GLB1L3: variants seen among roughly 807,000 people sequenced by gnomAD.
GLB1L3 encodes the protein beta-galactosidase-1-like protein 3.
In GLB1L3, 89 loss-of-function variants were observed where a neutral mutation model predicts 89.5. The ratio of observed to expected loss-of-function variants is 0.99; its 90% CI spans 0.84 to 1.19. The LOEUF is 1.19. Among genes scored for constraint, GLB1L3 ranks in the 50% most tolerant of loss-of-function variants. GLB1L3 has a pLI of 0.00. For synonymous variants in GLB1L3, 314 were observed against 312.3 expected, an observed-to-expected ratio of 1.01 and a Z score of -0.06; for missense variants, 812 against 813.3, an observed-to-expected ratio of 1.00 and a Z score of 0.02.
intron 6 of GLB1L3, among the ~76,000 whole-genome samples, chr11:134,284,513 A>G (rs521637): frequency 0.19 from 28,456 of 152,014 alleles, 2,830 homozygotes; most frequent in Admixed American, 0.26. Flanking sequence ...GGGTCACCTG[A>G]GGTCAGGAGT....
At position 134,318,816 on chromosome 11, in the gene GLB1L3, T is replaced by C. The variant is rs1276250243; in HGVS notation, c.1897-61T>C. The C allele has an allele frequency of 9.6e-6, 15 of 1,556,928 alleles. No individual in the cohort carries two copies. The East Asian group carries it at 3.4e-4, about 35-fold the overall frequency. ...GATCAAAATGTGAGTTGCAGTGTCT[T>C]TTTCAACCTGTACTAAATAGGCTTC... On this transcript the variant is annotated intron_variant, in intron 19 of 19. Transcript: ENST00000431683.
downstream of GLB1L3, among the ~76,000 whole-genome samples, chr11:134,322,179 G>T (rs566450790): frequency 3.3e-5 from 5 of 152,124 alleles, no homozygotes; most frequent in Non-Finnish European, 7.4e-5. Flanking sequence ...TTAACATCAG[G>T]CAAGTAGACT....
chr11:134,289,691 T>G (rs927336354), intron 7 of GLB1L3, among the ~76,000 whole-genome samples: 1 of 152,216 alleles, frequency 6.6e-6, no homozygotes, highest in Non-Finnish European at 1.5e-5. Flanking sequence ...GATGGGACTC[T>G]CAGCTTGAAG....
Position 134,289,087 on chromosome 11 carries a change from T to G in GLB1L3, c.729+197T>G, listed in dbSNP as rs146504313. ...TATAACTTTTGACTCCCTCAAAATT[T>G]AGTCACTAATAGTCTACTGTTGACT... On this transcript the variant is annotated intron_variant, in intron 7 of 19. Coordinates refer to ENST00000431683, the MANE Select transcript of GLB1L3 (RefSeq NM_001080407.3). 1.0e-3 allele frequency: 512 copies of G among 497,910 alleles called. 2 individuals are homozygous for G. The highest frequency in any genetic ancestry group is 0.01 in the Middle Eastern group (19 of 1,870). The allele number at this position is 497,910 out of a possible 1,614,324, so 30.8% of individuals were successfully genotyped here.
intron 2 of GLB1L3, 114 bp downstream of exon 2, chr11:134,277,565 C>G: frequency 6.6e-7 from 1 of 1,521,306 alleles, no homozygotes; most frequent in Non-Finnish European, 9.1e-7. Context: ...GCACAGAACA[C>G]GTCCTACTAA....
chr11:134,313,300 A>C, intron 15 of GLB1L3, 96 bp from the exon 16 acceptor site: 1 of 867,770 alleles, frequency 1.2e-6, no homozygotes. Context: ...CTGTTCTCCC[A>C]TGTGTCTCTC....
intron 10 of GLB1L3, among the ~76,000 whole-genome samples, chr11:134,308,086 C>T (rs1191754266): frequency 1.3e-5 from 2 of 151,204 alleles, no homozygotes; most frequent in Non-Finnish European, 2.9e-5. Flanking sequence ...ACCATCACTA[C>T]CACCAACAAT....
intron 9 of GLB1L3, among the ~76,000 whole-genome samples, chr11:134,293,582 T>C (rs1217936268): frequency 6.6e-6 from 1 of 152,096 alleles, no homozygotes; most frequent in Non-Finnish European, 1.5e-5. Context: ...AGCTTACATA[T>C]TATCAGAAGG....
rs919268814 is a variant in GLB1L3 at position 134,283,910 on chromosome 11, T to C, written c.636+65T>C. On this transcript the variant is annotated intron_variant, in intron 6 of 19. Coordinates refer to ENST00000431683, the MANE Select transcript of GLB1L3 (RefSeq NM_001080407.3). ...TTTAGGGAAAGAGTTTGTTCTGGCT[T>C]GATCACTGAAGAGGCCACATGCAGT... 4 of 955,544 alleles carry C rather than the reference T, an allele frequency of 4.2e-6. No individual in the cohort carries two copies. In the African/African-American group the frequency reaches 6.5e-5, roughly 15 times the overall value. The allele number at this position is 955,544 out of a possible 1,614,324, so 59.2% of individuals were successfully genotyped here. A position where few individuals can be genotyped will look rare whatever the true frequency, so the allele number is the denominator to read the frequency against.
At chr11:134,292,733 G>A (rs1484833666) in intron 8 of GLB1L3, 4 of 312,870 alleles carry the variant, frequency 1.3e-5, no homozygotes, top group East Asian at 9.2e-5. Flanking sequence ...TGAGGGACAC[G>A]CCCGGGAGTG....
chr11:134,281,911 C>T (rs1940710703), intron 4 of GLB1L3, 114 bp from the exon 5 acceptor site: 4 of 840,300 alleles, frequency 4.8e-6, no homozygotes, highest in South Asian at 1.7e-5. Context: ...GGGGGTGGGG[C>T]CGAGCCGTCC....
intron 9 of GLB1L3, among the ~76,000 whole-genome samples, chr11:134,301,313 A>G (rs150913918): frequency 2.9e-3 from 447 of 152,274 alleles, no homozygotes; most frequent in African/African-American, 0.01. Context: ...TCCCACTGCT[A>G]TATCTCTGAG....
chr11:134,284,981 T>C (rs910868925), intron 6 of GLB1L3, among the ~76,000 whole-genome samples: 3 of 137,264 alleles, frequency 2.2e-5, no homozygotes, highest in Non-Finnish European at 4.6e-5. Flanking sequence ...CAGGCTGGAG[T>C]GCAGTGGCTT....
intron 3 of GLB1L3, among the ~76,000 whole-genome samples, chr11:134,280,833 A>G (rs1480653460): frequency 6.6e-6 from 1 of 152,224 alleles, no homozygotes; most frequent in African/African-American, 2.4e-5. Context: ...ACATGTTGCC[A>G]GTGGCACAAA....
At position 134,292,824 on chromosome 11, in the gene GLB1L3, A is replaced by C. The variant is rs1941429710; in HGVS notation, c.812-321A>C. 3 of 460,012 alleles carry C rather than the reference A, an allele frequency of 6.5e-6. No individual in the cohort carries two copies. In the East Asian group the frequency reaches 1.4e-4, roughly 21 times the overall value. The allele number at this position is 460,012 out of a possible 1,614,324, so 28.5% of individuals were successfully genotyped here. A position where few individuals can be genotyped will look rare whatever the true frequency, so the allele number is the denominator to read the frequency against. ...TGGCTCTTCCAAGGAAGCCTGGCAC[A>C]CTGGAACACGTGCTGAGCTTGGGGC... On this transcript the variant is annotated intron_variant, in intron 8 of 19. Transcript: ENST00000431683.
intron 8 of GLB1L3, chr11:134,292,724 G>A: frequency 3.4e-6 from 1 of 295,828 alleles, no homozygotes; most frequent in Non-Finnish European, 6.4e-6. Flanking sequence ...TGGCAATAGT[G>A]AGGGACACGC....
At position 134,313,382 on chromosome 11, in the gene GLB1L3, G is replaced by A; in HGVS notation, c.1501-14G>A. 6.4e-7 allele frequency: 1 copy of A among 1,567,630 alleles called. No homozygotes were observed. The highest frequency in any genetic ancestry group is 1.4e-5 in the African/African-American group (1 of 73,894). On this transcript the variant is annotated splice_polypyrimidine_tract_variant and intron_variant, in intron 15 of 19. Transcript: ENST00000431683. ...ATGGCTGCGTGGTCTCCATGACCTG[G>A]CCTGTCCCAGCAGGACTGCCGATAC... is the stretch of plus-strand genomic sequence containing the variant.
At chr11:134,279,716 C>G (rs1030282922) in intron 3 of GLB1L3, among the ~76,000 whole-genome samples, 2 of 152,172 alleles carry the variant, frequency 1.3e-5, no homozygotes, top group African/African-American at 4.8e-5. Flanking sequence ...TCCTTTCTTT[C>G]CTGTACTCAC....
At chr11:134,322,901 G>A (rs746138854), downstream of GLB1L3, among the ~76,000 whole-genome samples, 3 of 152,196 alleles carry the variant, frequency 2.0e-5, no homozygotes, top group African/African-American at 4.8e-5. Context: ...TTGTGTGGTC[G>A]TATGTTTTCC....
Sources: gnomAD v4.1 joint callset for allele counts (sites outside exome capture counted in the v4.1 genomes callset) on GRCh38, gnomAD v4.1.1 for gene constraint, MANE v1.5 for transcripts, NCBI Gene and HGNC (gene_info 2026-07-23, HGNC 2026-07-21) for gene names.